The following VWF variants were observed in gnomAD, a reference collection of about 807,000 sequenced individuals.
The protein encoded by VWF is Factor VIII related antigen.
A neutral mutation model predicts 308.6 loss-of-function variants in VWF; 176 were observed. That is an observed-to-expected ratio of 0.57 (90% CI 0.50 to 0.65). The LOEUF is 0.65. Ranked by LOEUF, VWF falls within the 30% of genes least tolerant of loss-of-function variation. The probability of loss-of-function intolerance (pLI) is 0.00; values close to 1 mark genes in which losing one functional copy is unlikely to be tolerated. For missense variants in VWF, 3,146 were observed against 3,648.2 expected (o/e 0.86, Z 3.55); for synonymous variants, 1,385 against 1,443.4 (o/e 0.96, Z 0.92).
chr12:5,975,883 C>T (rs1465740868), intron 43 of VWF, among the ~76,000 whole-genome samples: 2 of 152,190 alleles, frequency 1.3e-5, no homozygotes, highest in African/African-American at 4.8e-5. Flanking sequence ...CTCTTCCTCA[C>T]CCCTAGCCTT....
chr12:6,116,766 C>G (rs770770521), intron 3 of VWF, among the ~76,000 whole-genome samples: 1 of 152,194 alleles, frequency 6.6e-6, no homozygotes, highest in Non-Finnish European at 1.5e-5. Flanking sequence ...AGGGGCCTCG[C>G]CTTGGCACCA....
intron 45 of VWF, among the ~76,000 whole-genome samples, chr12:5,968,613 T>C (rs753964452): frequency 6.6e-6 from 1 of 152,006 alleles, no homozygotes; most frequent in Non-Finnish European, 1.5e-5. Context: ...CCAGCCAACA[T>C]AGCAAAACCA....
At chr12:6,080,813 C>G (rs1458491836) in intron 6 of VWF, among the ~76,000 whole-genome samples, 1 of 152,200 alleles carries the variant, frequency 6.6e-6, no homozygotes, top group Non-Finnish European at 1.5e-5. Context: ...GCCCTCAGAC[C>G]CTTCCGCGTG....
chr12:5,981,946 G>A lies in VWF; in HGVS notation c.7127C>T (p.Pro2376Leu). ...ECKRVSPPSC[P>L]PHRLPTLRKT... ...CCGAAGGGTGGGCAAACGGTGCGGG[G>A]GGCAGGAGGGTGGGGACACTCTTTT... The change falls in exon 42 of 52, where the codon CCC becomes CTC. Residue 2376 changes from proline to leucine, a missense_variant. Physicochemically the swap from Pro to Leu is moderately conservative, Grantham distance 98 (BLOSUM62 -3). Transcript: ENST00000261405. 1.2e-6 allele frequency: 2 copies of A among 1,613,548 alleles called. No homozygotes were observed. The highest frequency in any genetic ancestry group is 2.2e-5 in the East Asian group (1 of 44,836).
chr12:6,046,801 A>G lies in VWF; in HGVS notation c.2203T>C (p.Phe735Leu), dbSNP rs1284406532. 15 of 1,613,970 alleles carry G rather than the reference A, an allele frequency of 9.3e-6. No individual in the cohort carries two copies. In the East Asian group the frequency reaches 3.1e-4, roughly 34 times the overall value. ...HHTMCYCEDG[F>L]MHCTMSGVPG... The stretch of plus-strand genomic sequence containing the variant: ...ACTCCACTCATGGTACAGTGCATGA[A>G]GCCATCCTCACAGTAGCTGCAGAGA... The change falls in exon 17 of 52, where the codon TTC becomes CTC. Residue 735 changes from phenylalanine (F) to leucine (L), a missense_variant. Around this residue, in one of 3 missense-constraint regions of VWF, gnomAD observed 1,304 missense variants for 1,353.0 expected, o/e 0.96. Coordinates refer to ENST00000261405, the MANE Select transcript of VWF (RefSeq NM_000552.5). This position sits in a 1 kb window ranked among gnomAD's most constrained non-coding sequence, Gnocchi z 5.0.
chr12:5,995,939 G>A (rs1000185974), intron 35 of VWF, 63 bp downstream of exon 35: 1 of 1,525,518 alleles, frequency 6.6e-7, no homozygotes, highest in African/African-American at 1.4e-5. Flanking sequence ...ACTGCCACCA[G>A]GTCCAGGTGG....
intron 42 of VWF, among the ~76,000 whole-genome samples, chr12:5,977,873 C>CTATATA (rs1267079532): frequency 6.8e-6 from 1 of 147,492 alleles, no homozygotes; most frequent in South Asian, 2.1e-4. Flanking sequence ...CTATCTCTCT[C>CTATATA]TCTATATATA....
chr12:6,058,704 G>T lies in VWF; in HGVS notation c.1534-660C>A, dbSNP rs1330518400. ...TGGATAGGAGTAGGAGTCTGCAGAG[G>T]CTCTGAGGCAGCCTGCCAGGGTGAC... On this transcript the variant is annotated intron_variant, in intron 13 of 51. Transcript: ENST00000261405. The surrounding 1 kb of genome is among the most constrained non-coding windows in gnomAD (Gnocchi z 4.9). Among the ~76,000 whole-genome samples, 3 of 152,176 alleles carry T rather than the reference G, an allele frequency of 2.0e-5. No homozygotes were observed. Among genetic ancestry groups the T allele is most frequent in the Non-Finnish European group, 4.4e-5 (3 of 68,026 alleles).
Position 5,957,723 on chromosome 12 carries a change from T to C in VWF, c.7888-4129A>G, listed in dbSNP as rs141377989. Among the ~76,000 whole-genome samples, 377 of 152,286 alleles carry C rather than the reference T, an allele frequency of 2.5e-3. 2 individuals carry two copies. The highest frequency in any genetic ancestry group is 5.0e-3 in the Admixed American group (77 of 15,306). On this transcript the variant is annotated intron_variant, in intron 47 of 51. Coordinates refer to ENST00000261405, the MANE Select transcript of VWF (RefSeq NM_000552.5). ...TAAATGAAATCTTAGAAATGTGTTG[T>C]CATCCAGCCCTGCACTAAAAGAAGT...
chr12:6,090,150 G>A (rs1417716172), intron 6 of VWF, among the ~76,000 whole-genome samples: 3 of 151,958 alleles, frequency 2.0e-5, no homozygotes, highest in Admixed American at 2.0e-4. Flanking sequence ...GTAGAGACGG[G>A]GTTTCACCAT....
At chr12:5,967,636 G>C in intron 46 of VWF, 34 bp from the exon 47 acceptor site, 1 of 1,591,296 alleles carries the variant, frequency 6.3e-7, no homozygotes, top group Middle Eastern at 1.7e-4. Flanking sequence ...AGGCCCCCCA[G>C]CATCCCCCAA....
At chr12:6,025,498 C>G in intron 24 of VWF, 82 bp downstream of exon 24, 1 of 1,130,798 alleles carries the variant, frequency 8.8e-7, no homozygotes, top group Non-Finnish European at 1.3e-6. Flanking sequence ...GTAGTGTCCA[C>G]GTTAGAAGGT....
intron 30 of VWF, 92 bp downstream of exon 30, chr12:6,016,424 G>A (rs1944057526): frequency 1.4e-6 from 2 of 1,465,302 alleles, no homozygotes; most frequent in Non-Finnish European, 1.9e-6. Context: ...AGGCCAAGGA[G>A]CAAAGTGACT....
intron 13 of VWF, among the ~76,000 whole-genome samples, chr12:6,062,516 T>C (rs533606810): frequency 5.9e-5 from 9 of 151,276 alleles, no homozygotes; most frequent in Admixed American, 3.3e-4. Flanking sequence ...AGAGTCCCAG[T>C]GTCCAGGGGA....
At position 5,996,172 on chromosome 12, in the gene VWF, T is replaced by C; in HGVS notation, c.5893A>G (p.Asn1965Asp). ...GAACAGCTGCCAGTCAGCTTGAAAT[T>C]CTGCCCATCAAAGGTCACGATGTGC... is the stretch of plus-strand genomic sequence containing the variant. ...TRHIVTFDGQNFKLTGSCSYV... is the reference protein window; with the variant it reads ...TRHIVTFDGQDFKLTGSCSYV... Residue 1965 changes from asparagine (N) to aspartate (D), a missense_variant, in exon 35 of 52, where the codon AAT (asparagine) becomes GAT (aspartate). Asn to Asp is a conservative substitution (Grantham distance 23). This residue lies in a region of VWF where 989 missense variants were observed against 1,117.4 expected (regional missense o/e 0.89). Coordinates refer to ENST00000261405, the MANE Select transcript of VWF (RefSeq NM_000552.5). The C allele has an allele frequency of 6.2e-7, 1 of 1,614,114 alleles. No homozygotes were observed. Among genetic ancestry groups the C allele is most frequent in the Non-Finnish European group, 8.5e-7 (1 of 1,180,020 alleles).
At chr12:5,997,978 T>A (rs1171044504) in intron 34 of VWF, among the ~76,000 whole-genome samples, 1 of 152,176 alleles carries the variant, frequency 6.6e-6, no homozygotes, top group Non-Finnish European at 1.5e-5. Context: ...CTCATAAATA[T>A]CTCCTGAAAT....
At chr12:6,038,073 G>A (rs554891281) in intron 18 of VWF, among the ~76,000 whole-genome samples, 10 of 152,162 alleles carry the variant, frequency 6.6e-5, no homozygotes, top group African/African-American at 1.4e-4. Flanking sequence ...CTTACCTCCC[G>A]GAACCACTGT....
chr12:6,056,884 C>G lies in VWF; in HGVS notation c.1918G>C (p.Val640Leu), dbSNP rs1005399170. Residue 640 changes from valine (V) to leucine (L), a missense_variant, in exon 15 of 52, where the codon GTC becomes CTC. Coordinates refer to ENST00000261405, the MANE Select transcript of VWF (RefSeq NM_000552.5). The part of the protein sequence containing the change: ...AAACAGRGVR[V>L]AWREPGRCEL... Reference sequence around the variant, plus strand: ...CAGCGGCCTGGCTCGCGCCACGCGACGCGCACGCCTCTCCCCGCGCAGGCC... The same window carrying G: ...CAGCGGCCTGGCTCGCGCCACGCGAGGCGCACGCCTCTCCCCGCGCAGGCC... The G allele has an allele frequency of 1.1e-5, 16 of 1,489,638 alleles. No homozygotes were observed. In the African/African-American group the frequency reaches 1.7e-4, roughly 16 times the overall value. The allele number at this position is 1,489,638 out of a possible 1,614,324, so 92.3% of individuals were successfully genotyped here. A position where few individuals can be genotyped will look rare whatever the true frequency, so the allele number is the denominator to read the frequency against.
chr12:6,065,139 G>A lies in VWF; in HGVS notation c.1291C>T (p.Gln431Ter). Residue 431 changes from glutamine (Q) to a stop codon, truncating the protein, a stop_gained and splice_region_variant, in exon 11 of 52, where the codon CAG (glutamine) becomes TAG (stop). Coordinates refer to ENST00000261405, the MANE Select transcript of VWF (RefSeq NM_000552.5). LOFTEE classifies it high-confidence loss of function. Reference sequence around the variant, plus strand: ...GCAGCCGGGCTGGCAAAGCTCACCTGGACAGTCTCAATGACAATGGAGAAG... The same window carrying A: ...GCAGCCGGGCTGGCAAAGCTCACCTAGACAGTCTCAATGACAATGGAGAAG... ...HSFSIVIETV[Q>*]CADDRDAVCT... 6.2e-7 allele frequency: 1 copy of A among 1,614,194 alleles called. No individual in the cohort carries two copies. The highest frequency in any genetic ancestry group is 1.1e-5 in the South Asian group (1 of 91,072).
Sources: allele counts gnomAD v4.1 joint callset (sites outside exome capture counted in the v4.1 genomes callset), GRCh38; gene constraint gnomAD v4.1.1; regional missense constraint gnomAD v4.1.1; non-coding constraint Gnocchi (gnomAD v3.1); transcripts MANE v1.5; gene names NCBI Gene and HGNC (gene_info 2026-07-23, HGNC 2026-07-21).